THSD7B: variants seen among roughly 807,000 people sequenced by gnomAD.
THSD7B encodes thrombospondin type-1 domain-containing protein 7B.
In THSD7B, 138 loss-of-function variants were observed where a neutral mutation model predicts 213.6. The ratio of observed to expected loss-of-function variants is 0.65; its 90% CI spans 0.56 to 0.74. The LOEUF is 0.74. THSD7B is among the 30% of genes least tolerant of loss of function. THSD7B has a pLI of 0.00. For synonymous variants in THSD7B, 742 were observed against 687.0 expected (o/e 1.08, Z -1.25); for missense variants, 1,931 against 1,991.5 (o/e 0.97, Z 0.58).
intron 3 of THSD7B, among the ~76,000 whole-genome samples, chr2:137,077,856 T>G (rs949015471): frequency 6.6e-6 from 1 of 152,132 alleles, no homozygotes; most frequent in African/African-American, 2.4e-5. Context: ...AATGTTGGCT[T>G]TTGTTGCCAT....
intron 17 of THSD7B, among the ~76,000 whole-genome samples, chr2:137,589,011 C>T (rs997577796): frequency 4.8e-4 from 73 of 152,116 alleles, no homozygotes; most frequent in African/African-American, 1.7e-3. Flanking sequence ...AACTTCTGAC[C>T]TCAGGTGATC....
chr2:137,358,904 G>A (rs975044868), intron 12 of THSD7B, among the ~76,000 whole-genome samples: 3 of 152,178 alleles, frequency 2.0e-5, no homozygotes, highest in East Asian at 1.9e-4. Context: ...GCTTGTGAAT[G>A]TTTGTGTTTG....
intron 17 of THSD7B, among the ~76,000 whole-genome samples, chr2:137,601,120 A>G (rs146580905): frequency 2.0e-5 from 3 of 152,318 alleles, no homozygotes; most frequent in African/African-American, 7.2e-5. Context: ...AAAAATTAAA[A>G]GTTTATAAAA....
chr2:137,403,606 T>C (rs1686428364), intron 12 of THSD7B, among the ~76,000 whole-genome samples: 1 of 152,204 alleles, frequency 6.6e-6, no homozygotes, highest in Non-Finnish European at 1.5e-5. Context: ...ATATGGGTAG[T>C]CGGTAGACAG....
intron 7 of THSD7B, among the ~76,000 whole-genome samples, chr2:137,187,064 G>C (rs1367343100): frequency 6.6e-6 from 1 of 152,126 alleles, no homozygotes; most frequent in Non-Finnish European, 1.5e-5. Context: ...TGGCTTATGT[G>C]ATTGGGTAAA....
chr2:137,590,493 G>T (rs559560880), intron 17 of THSD7B, among the ~76,000 whole-genome samples: 22 of 152,202 alleles, frequency 1.4e-4, no homozygotes, highest in African/African-American at 5.1e-4. Flanking sequence ...TGAATACCCT[G>T]CATGTGTCGC....
chr2:137,642,762 A>G, intron 21 of THSD7B, 129 bp downstream of exon 21: 2 of 1,099,404 alleles, frequency 1.8e-6, no homozygotes, highest in South Asian at 1.7e-5. Context: ...TTTTAATGCA[A>G]TGCAGAACAT....
At chr2:137,256,364 G>C (rs1682309316) in intron 10 of THSD7B, among the ~76,000 whole-genome samples, 1 of 152,158 alleles carries the variant, frequency 6.6e-6, no homozygotes, top group Non-Finnish European at 1.5e-5. Context: ...GGACATTATG[G>C]AGCCAGAAAG....
At chr2:136,875,667 G>A (rs530663129) in intron 1 of THSD7B, among the ~76,000 whole-genome samples, 3 of 152,190 alleles carry the variant, frequency 2.0e-5, no homozygotes, top group Admixed American at 6.5e-5. Flanking sequence ...CACTCTATCC[G>A]GATCTTCTGC....
intron 15 of THSD7B, among the ~76,000 whole-genome samples, chr2:137,533,363 G>C (rs1445511365): frequency 1.3e-5 from 2 of 151,702 alleles, no homozygotes; most frequent in African/African-American, 4.8e-5. Flanking sequence ...AATTACATGA[G>C]AGACAACTTC....
chr2:137,402,335 T>A (rs1466090536), intron 12 of THSD7B, among the ~76,000 whole-genome samples: 1 of 152,212 alleles, frequency 6.6e-6, no homozygotes, highest in African/African-American at 2.4e-5. Flanking sequence ...TAATTTCTTA[T>A]GCTTTCCTTT....
intron 4 of THSD7B, among the ~76,000 whole-genome samples, chr2:137,114,435 T>G (rs764225186): frequency 6.6e-6 from 1 of 152,222 alleles, no homozygotes; most frequent in Non-Finnish European, 1.5e-5. Flanking sequence ...CCCCCTTATT[T>G]GTGGGGATGT....
intron 1 of THSD7B, among the ~76,000 whole-genome samples, chr2:136,881,792 A>G (rs1336820724): frequency 1.3e-5 from 2 of 152,174 alleles, no homozygotes; most frequent in East Asian, 3.8e-4. Flanking sequence ...ATGGGAATCA[A>G]GTAACTACTT....
intron 2 of THSD7B, among the ~76,000 whole-genome samples, chr2:136,891,461 G>GT (rs1318392803): frequency 6.6e-6 from 1 of 152,128 alleles, no homozygotes; most frequent in Admixed American, 6.5e-5. Context: ...AATACCCAGA[G>GT]TTTTTTCTCT....
At chr2:136,923,192 T>A (rs1170161876) in intron 2 of THSD7B, among the ~76,000 whole-genome samples, 1 of 152,258 alleles carries the variant, frequency 6.6e-6, no homozygotes, top group Non-Finnish European at 1.5e-5. Context: ...CTACTTCATA[T>A]GAGTGGAATC....
In THSD7B at chr2:136,886,981, A is replaced by C. The variant is rs546004300; in HGVS notation, c.139+4664A>C. ...ATTTAAATATGTAGTCCTAGAAATGAAGAGATTAGCTTGAAATTTGTGATC... is the reference window on the plus strand; with the variant it reads ...ATTTAAATATGTAGTCCTAGAAATGCAGAGATTAGCTTGAAATTTGTGATC... On this transcript the variant is annotated intron_variant, in intron 2 of 27. Transcript: ENST00000409968. Among the ~76,000 whole-genome samples, 4 of 152,322 alleles carry C rather than the reference A, an allele frequency of 2.6e-5. No homozygotes were observed. In the East Asian group the frequency reaches 7.7e-4, roughly 29 times the overall value.
chr2:137,025,211 C>G (rs979409128), intron 2 of THSD7B, among the ~76,000 whole-genome samples: 2 of 152,166 alleles, frequency 1.3e-5, no homozygotes, highest in Non-Finnish European at 2.9e-5. Flanking sequence ...TTCACACTGG[C>G]CTTTTTGCTT....
rs566539508 is a variant in THSD7B, at chr2:137,467,790, A to G, written c.3138+16767A>G. On this transcript the variant is annotated intron_variant, in intron 15 of 27. Coordinates refer to ENST00000409968, the MANE Select transcript of THSD7B (RefSeq NM_001316349.2). ...ACCAGGGCTCTTCCTTGACACTTAC[A>G]TTTTTGGCAAAGGGATGATTCTATC... Among the ~76,000 whole-genome samples, 3 of 152,220 alleles carry G rather than the reference A, an allele frequency of 2.0e-5. No individual in the cohort carries two copies. In the East Asian group the frequency reaches 5.8e-4, roughly 30 times the overall value.
intron 1 of THSD7B, among the ~76,000 whole-genome samples, chr2:136,844,243 T>C (rs957175136): frequency 7.9e-5 from 12 of 152,060 alleles, no homozygotes; most frequent in African/African-American, 2.9e-4. Context: ...AGCCAATCAG[T>C]GGACAATGTG....
Sources: gnomAD v4.1 joint callset for allele counts (sites outside exome capture counted in the v4.1 genomes callset) on GRCh38, gnomAD v4.1.1 for gene constraint, MANE v1.5 for transcripts, NCBI Gene and HGNC (gene_info 2026-07-23, HGNC 2026-07-21) for gene names.